Variants in KIAA1549 observed in about 807,000 individuals in gnomAD.
KIAA1549 encodes KIAA1549.
A neutral mutation model predicts 156.4 loss-of-function variants in KIAA1549; 70 were observed. The ratio of observed to expected loss-of-function variants is 0.45; its 90% CI spans 0.37 to 0.55. KIAA1549 has a LOEUF of 0.55. Ranked by LOEUF, KIAA1549 falls within the 20% of genes least tolerant of loss-of-function variation. KIAA1549 has a pLI of 0.00. For missense variants in KIAA1549, 2,428 were observed against 2,540.9 expected (o/e 0.96, Z 0.96); for synonymous variants, 1,103 against 1,066.4 (o/e 1.03, Z -0.67).
intron 1 of KIAA1549, among the ~76,000 whole-genome samples, chr7:138,957,197 G>A (rs1157609791): frequency 6.6e-6 from 1 of 152,232 alleles, no homozygotes; most frequent in Non-Finnish European, 1.5e-5. Flanking sequence ...ACGGTTAACA[G>A]GAGAGGCAGG....
chr7:138,883,563 C>T (rs1186733593), intron 10 of KIAA1549, among the ~76,000 whole-genome samples: 3 of 152,068 alleles, frequency 2.0e-5, no homozygotes, highest in Non-Finnish European at 4.4e-5. Flanking sequence ...GTGATCCACC[C>T]ACCTTGGCCG....
At chr7:138,953,914 T>C (rs1813579329) in intron 1 of KIAA1549, among the ~76,000 whole-genome samples, 1 of 152,224 alleles carries the variant, frequency 6.6e-6, no homozygotes, top group African/African-American at 2.4e-5. Flanking sequence ...ACGGTTTAAA[T>C]GGCAGTATTT....
chr7:138,959,517 C>T (rs913691495), intron 1 of KIAA1549, among the ~76,000 whole-genome samples: 5 of 152,198 alleles, frequency 3.3e-5, no homozygotes, highest in Non-Finnish European at 7.3e-5. Context: ...ATTAACCTAA[C>T]GCGCATTTTA....
intron 5 of KIAA1549, among the ~76,000 whole-genome samples, chr7:138,907,888 G>C (rs1812051680): frequency 6.6e-6 from 1 of 152,104 alleles, no homozygotes; most frequent in Non-Finnish European, 1.5e-5. Flanking sequence ...GCTCTGCCCT[G>C]AGACACACAC....
Position 138,837,850 on chromosome 7 carries a change from T to G in KIAA1549, c.*56A>C. On this transcript the variant is annotated 3_prime_UTR_variant, in exon 20 of 20. Transcript: ENST00000422774. Reference sequence around the variant, plus strand: ...CAAACACCCACTCAGTTGATTTCCTTTTGGTCTTGCTTCCACAGGAAGCGG... The same window carrying G: ...CAAACACCCACTCAGTTGATTTCCTGTTGGTCTTGCTTCCACAGGAAGCGG... 1.3e-6 allele frequency: 2 copies of G among 1,570,274 alleles called. No homozygotes were observed. Among genetic ancestry groups the G allele is most frequent in the Non-Finnish European group, 1.7e-6 (2 of 1,156,378 alleles).
At chr7:138,979,375 A>C (rs1421543466) in intron 1 of KIAA1549, among the ~76,000 whole-genome samples, 1 of 152,216 alleles carries the variant, frequency 6.6e-6, no homozygotes, top group African/African-American at 2.4e-5. Context: ...CCAGATGGCC[A>C]CATTCATATG....
chr7:138,945,551 T>G (rs977430538), intron 1 of KIAA1549, among the ~76,000 whole-genome samples: 1 of 152,220 alleles, frequency 6.6e-6, no homozygotes, highest in Non-Finnish European at 1.5e-5. Flanking sequence ...ACACAGGTGA[T>G]TATTCGCTTT....
chr7:138,831,686 C>T lies in KIAA1549; in HGVS notation c.*6220G>A, dbSNP rs1021964282. 1 of 230,388 alleles carries T rather than the reference C, an allele frequency of 4.3e-6. No homozygotes were observed. The highest frequency in any genetic ancestry group is 2.2e-5 in the African/African-American group (1 of 45,182). 14.3% of individuals were successfully genotyped at this position (230,388 alleles called of 1,614,324 possible). A position where few individuals can be genotyped will look rare whatever the true frequency, so the allele number is the denominator to read the frequency against. ...TGGCCTCAATTTGCTCTGCACATTT[C>T]GTACATTAACGCTCATAATCTAGGG... On this transcript the variant is annotated 3_prime_UTR_variant, in exon 20 of 20. Coordinates refer to ENST00000422774, the MANE Select transcript of KIAA1549 (RefSeq NM_001164665.2).
intron 10 of KIAA1549, among the ~76,000 whole-genome samples, chr7:138,893,393 TA>T (rs1322261383): frequency 6.6e-6 from 1 of 151,290 alleles, no homozygotes; most frequent in Non-Finnish European, 1.5e-5. Context: ...GGGGAGGTAT[TA>T]AAAATCGAGA....
chr7:138,872,907 A>AC (rs1331441195), intron 12 of KIAA1549, among the ~76,000 whole-genome samples: 1 of 152,036 alleles, frequency 6.6e-6, no homozygotes, highest in African/African-American at 2.4e-5. Flanking sequence ...CTGTCCCCCA[A>AC]CCCCCGCCAA....
chr7:138,845,425 A>C (rs960207504), intron 17 of KIAA1549, among the ~76,000 whole-genome samples: 6 of 152,174 alleles, frequency 3.9e-5, no homozygotes, highest in African/African-American at 1.4e-4. Context: ...TCATCTTAAA[A>C]AAATATTGCA....
intron 1 of KIAA1549, among the ~76,000 whole-genome samples, chr7:138,980,484 T>C (rs995583081): frequency 3.3e-5 from 5 of 152,190 alleles, no homozygotes; most frequent in African/African-American, 1.2e-4. Flanking sequence ...CACTCCATTG[T>C]ACTAATAATG....
chr7:138,868,996 G>A (rs1228038794), intron 14 of KIAA1549, among the ~76,000 whole-genome samples: 6 of 152,224 alleles, frequency 3.9e-5, no homozygotes, highest in Non-Finnish European at 7.3e-5. Flanking sequence ...CATGAGAGCC[G>A]TGTTTAAGGA....
chr7:138,859,338 T>C (rs1810487733), intron 16 of KIAA1549, among the ~76,000 whole-genome samples: 1 of 152,172 alleles, frequency 6.6e-6, no homozygotes, highest in African/African-American at 2.4e-5. Flanking sequence ...TGGGGGGTTA[T>C]GGCTTCAACA....
At chr7:138,971,453 C>G (rs1814218534) in intron 1 of KIAA1549, among the ~76,000 whole-genome samples, 1 of 152,174 alleles carries the variant, frequency 6.6e-6, no homozygotes, top group South Asian at 2.1e-4. Flanking sequence ...GGAGCTTTCA[C>G]TCCTGCCCTC....
At position 138,832,957 on chromosome 7, in the gene KIAA1549, CCT is replaced by C. The variant is rs1483916396; in HGVS notation, c.*4947_*4948del. The C allele has an allele frequency of 4.3e-5, 10 of 231,128 alleles. No homozygotes were observed. The highest frequency in any genetic ancestry group is 1.8e-4 in the South Asian group (1 of 5,502). The allele number at this position is 231,128 out of a possible 1,614,324, so 14.3% of individuals were successfully genotyped here. A position where few individuals can be genotyped will look rare whatever the true frequency, so the allele number is the denominator to read the frequency against. ...TGTTACAGCAGCTGCTCATAGAAACCCTGTTAGAACGTGTTAACATGTTAGAT... is the reference window on the plus strand; with the variant it reads ...TGTTACAGCAGCTGCTCATAGAAACCGTTAGAACGTGTTAACATGTTAGAT... On this transcript the variant is annotated 3_prime_UTR_variant, in exon 20 of 20. Coordinates refer to ENST00000422774, the MANE Select transcript of KIAA1549 (RefSeq NM_001164665.2).
chr7:138,973,615 T>A (rs966418860), intron 1 of KIAA1549, among the ~76,000 whole-genome samples: 2 of 152,208 alleles, frequency 1.3e-5, no homozygotes, highest in African/African-American at 4.8e-5. Context: ...CTTCCATATC[T>A]ATGACTTCAA....
At chr7:138,903,216 C>T (rs1427998425) in intron 8 of KIAA1549, among the ~76,000 whole-genome samples, 1 of 152,172 alleles carries the variant, frequency 6.6e-6, no homozygotes, top group Non-Finnish European at 1.5e-5. Context: ...TGATTTATCG[C>T]TATGATGCTA....
intron 15 of KIAA1549, among the ~76,000 whole-genome samples, chr7:138,865,464 AC>A (rs1010991431): frequency 2.6e-5 from 4 of 151,914 alleles, no homozygotes; most frequent in African/African-American, 9.7e-5. Context: ...CTGTACATGT[AC>A]CACTGATTCT....
Sources: gnomAD v4.1 joint callset for allele counts (sites outside exome capture counted in the v4.1 genomes callset) on GRCh38, gnomAD v4.1.1 for gene constraint, MANE v1.5 for transcripts, NCBI Gene and HGNC (gene_info 2026-07-23, HGNC 2026-07-21) for gene names.